The following NEK7 variants were observed in gnomAD, a reference collection of about 807,000 sequenced individuals.
NEK7 encodes serine/threonine-protein kinase Nek7.
Under a neutral mutation model 44.6 loss-of-function variants are expected in NEK7, and 18 were observed. The ratio of observed to expected loss-of-function variants is 0.40; its 90% CI spans 0.28 to 0.60. The LOEUF is 0.60. Ranked by LOEUF, NEK7 falls within the 20% of genes least tolerant of loss-of-function variation. NEK7 has a pLI of 0.38. For missense variants in NEK7, 256 were observed against 366.5 expected (o/e 0.70, Z 2.46); for synonymous variants, 130 against 121.1 (o/e 1.07, Z -0.48).
intron 1 of NEK7, among the ~76,000 whole-genome samples, chr1:198,199,451 T>G (rs1015645520): frequency 6.6e-6 from 1 of 152,230 alleles, no homozygotes; most frequent in African/African-American, 2.4e-5. Context: ...AGATACTGAT[T>G]TTCAGATTTT....
chr1:198,157,599 G>A (rs1254940358), intron 1 of NEK7, among the ~76,000 whole-genome samples: 1 of 152,236 alleles, frequency 6.6e-6, no homozygotes, highest in Non-Finnish European at 1.5e-5. Context: ...TTGGTTTCGG[G>A]ACCCGAGGAA....
intron 1 of NEK7, among the ~76,000 whole-genome samples, chr1:198,203,855 G>GTCCT (rs750814110): frequency 1.8e-3 from 275 of 152,026 alleles, no homozygotes; most frequent in South Asian, 3.1e-3. Flanking sequence ...GTGTGTGTGT[G>GTCCT]TCCTTCCTTC....
At chr1:198,182,399 G>A (rs1664792038) in intron 1 of NEK7, among the ~76,000 whole-genome samples, 1 of 151,996 alleles carries the variant, frequency 6.6e-6, no homozygotes. Flanking sequence ...GAGAGAGGGA[G>A]AATGGATGTG....
chr1:198,273,450 A>C (rs1285107409), intron 5 of NEK7, among the ~76,000 whole-genome samples: 1 of 151,796 alleles, frequency 6.6e-6, no homozygotes, highest in Non-Finnish European at 1.5e-5. Flanking sequence ...AATGATAAAA[A>C]TCACACTTAG....
At chr1:198,186,907 G>A (rs147898666) in intron 1 of NEK7, among the ~76,000 whole-genome samples, 69 of 152,260 alleles carry the variant, frequency 4.5e-4, no homozygotes, top group Non-Finnish European at 8.4e-4. Context: ...CCTTCCTTAT[G>A]GGAAGTATGG....
In NEK7 at chr1:198,286,422, C is replaced by CTTT. The variant is rs34104462; in HGVS notation, c.590-6510_590-6508dup. Among the ~76,000 whole-genome samples the CTTT allele has an allele frequency of 8.4e-5, 12 of 142,962 alleles. No homozygotes were observed. The East Asian group carries it at 1.0e-3, about 12-fold the overall frequency. The allele number at this position is 142,962 out of a possible 152,430, so 93.8% of individuals were successfully genotyped here. ...ATCCAGTGAGCTTTTAGAGGTCACACTTTTTTTTTTTTTTTGAACCATATG... is the reference window on the plus strand; with the variant it reads ...ATCCAGTGAGCTTTTAGAGGTCACACTTTTTTTTTTTTTTTTTTGAACCATATG... On this transcript the variant is annotated intron_variant, in intron 7 of 9. Coordinates refer to ENST00000367385, the MANE Select transcript of NEK7 (RefSeq NM_133494.3).
chr1:198,284,211 G>T (rs1654300178), intron 7 of NEK7, among the ~76,000 whole-genome samples: 1 of 152,170 alleles, frequency 6.6e-6, no homozygotes, highest in African/African-American at 2.4e-5. Flanking sequence ...CTAGAAGATA[G>T]TGAATAGGTC....
In NEK7 at chr1:198,262,626, G is replaced by T; in HGVS notation, c.250G>T (p.Asp84Tyr). 6.3e-7 allele frequency: 1 copy of T among 1,586,134 alleles called. No individual in the cohort carries two copies. The highest frequency in any genetic ancestry group is 8.6e-7 in the Non-Finnish European group (1 of 1,159,658). ...KARADCIKEI[D>Y]LLKQLNHPNV... The stretch of plus-strand genomic sequence containing the variant: ...ACGTGCTGATTGCATCAAAGAAATA[G>T]ATCTTCTTAAGGTAATTAATGAACT... Residue 84 changes from aspartate to tyrosine, a missense_variant, in exon 4 of 10, where the codon GAT becomes TAT. Physicochemically the swap from Asp to Tyr is radical, Grantham distance 160. Transcript: ENST00000367385.
chr1:198,305,553 G>A (rs757598668), intron 9 of NEK7, among the ~76,000 whole-genome samples: 17 of 152,066 alleles, frequency 1.1e-4, no homozygotes, highest in East Asian at 5.8e-4. Context: ...TTTGTAATCC[G>A]GAGTAAAGAA....
At chr1:198,235,072 G>T (rs1024920901) in intron 2 of NEK7, among the ~76,000 whole-genome samples, 6 of 152,124 alleles carry the variant, frequency 3.9e-5, no homozygotes, top group African/African-American at 1.4e-4. Flanking sequence ...GGCAACATCT[G>T]GTTAGCCCAG....
Position 198,204,092 on chromosome 1 carries a change from CA to C in NEK7, c.-28-28454del, listed in dbSNP as rs1190091452. ...GCAGCATAGCGAGATCCTGTCTCTA[CA>C]AAAAAATTTCTTAAAAATTAGCTGG... On this transcript the variant is annotated intron_variant, in intron 1 of 9. Transcript: ENST00000367385. 3.3e-5 allele frequency among the ~76,000 whole-genome samples: 5 copies of C among 151,960 alleles called. No individual in the cohort carries two copies. The South Asian group carries it at 8.3e-4, about 25-fold the overall frequency.
chr1:198,211,959 G>T (rs1358966819), intron 1 of NEK7, among the ~76,000 whole-genome samples: 3 of 152,220 alleles, frequency 2.0e-5, no homozygotes, highest in Non-Finnish European at 4.4e-5. Flanking sequence ...GGACAATCCA[G>T]GCCATAGGGG....
intron 1 of NEK7, among the ~76,000 whole-genome samples, chr1:198,225,255 C>CAA (rs34192199): frequency 0.1 from 13,704 of 133,002 alleles, 964 homozygotes; most frequent in East Asian, 0.22. Context: ...GTGTAGGTTA[C>CAA]AAAAAAAAAA....
chr1:198,305,169 A>C (rs1654989369), intron 9 of NEK7, among the ~76,000 whole-genome samples: 1 of 152,134 alleles, frequency 6.6e-6, no homozygotes, highest in African/African-American at 2.4e-5. Flanking sequence ...ATTATTTCTA[A>C]AATTTAAAGC....
chr1:198,212,792 C>T (rs1046158152), intron 1 of NEK7, among the ~76,000 whole-genome samples: 1 of 152,250 alleles, frequency 6.6e-6, no homozygotes, highest in African/African-American at 2.4e-5. Context: ...GCAAGTGCCA[C>T]CTCCCGGCTG....
At chr1:198,211,668 A>G (rs564916896) in intron 1 of NEK7, among the ~76,000 whole-genome samples, 6 of 152,172 alleles carry the variant, frequency 3.9e-5, no homozygotes, top group South Asian at 2.1e-4. Context: ...AAAATGTTCT[A>G]TTTTCTGGTG....
At chr1:198,221,991 T>C (rs1379813058) in intron 1 of NEK7, among the ~76,000 whole-genome samples, 1 of 151,794 alleles carries the variant, frequency 6.6e-6, no homozygotes, top group Non-Finnish European at 1.5e-5. Context: ...ATACAGTATA[T>C]TGTACTTTGT....
intron 5 of NEK7, among the ~76,000 whole-genome samples, chr1:198,273,427 A>T (rs541343696): frequency 3.3e-4 from 50 of 151,866 alleles, no homozygotes; most frequent in African/African-American, 1.2e-3. Flanking sequence ...ATGTTTCCAT[A>T]GAAAGATTAA....
intron 1 of NEK7, among the ~76,000 whole-genome samples, chr1:198,200,681 G>T (rs112188254): frequency 2.6e-5 from 4 of 151,964 alleles, no homozygotes; most frequent in African/African-American, 9.7e-5. Context: ...CTCCTGAGTA[G>T]CTGGGACTAC....
Sources: gnomAD v4.1 joint callset for allele counts (sites outside exome capture counted in the v4.1 genomes callset) on GRCh38, gnomAD v4.1.1 for gene constraint, MANE v1.5 for transcripts, NCBI Gene and HGNC (gene_info 2026-07-23, HGNC 2026-07-21) for gene names.